The following MGAM2 variants were observed in gnomAD, a reference collection of about 807,000 sequenced individuals.
MGAM2 encodes maltase-glucoamylase 2 (putative).
Under a neutral mutation model 96.1 loss-of-function variants are expected in MGAM2, and 98 were observed. That is an observed-to-expected ratio of 1.02 (90% CI 0.87 to 1.21). The LOEUF is 1.21. Ranked by LOEUF, MGAM2 falls within the 50% of genes most tolerant of loss-of-function variation. The pLI is 0.00. For missense variants in MGAM2, 2,055 were observed against 1,182.4 expected, an observed-to-expected ratio of 1.74 and a Z score of -10.82; for synonymous variants, 749 against 414.8, an observed-to-expected ratio of 1.81 and a Z score of -9.79.
intron 44 of MGAM2, 124 bp downstream of exon 44, chr7:142,198,863 T>A: frequency 1.7e-6 from 1 of 590,628 alleles, no homozygotes; most frequent in Non-Finnish European, 3.0e-6. Context: ...ACAGCTTTAC[T>A]GGTCAGATCC....
rs1353390544 is a variant in MGAM2 at position 142,186,029 on chromosome 7, A to C, written c.4028A>C (p.Asn1343Thr). The C allele has an allele frequency of 1.4e-6, 1 of 704,380 alleles. No individual in the cohort carries two copies. The highest frequency in any genetic ancestry group is 1.7e-5 in the African/African-American group (1 of 57,376). The allele number at this position is 704,380 out of a possible 1,614,324, so 43.6% of individuals were successfully genotyped here. The change falls in exon 35 of 48, where the codon AAT becomes ACT. Residue 1343 changes from asparagine (N) to threonine (T), a missense_variant. Physicochemically the swap from Asn to Thr is moderately conservative, Grantham distance 65. Transcript: ENST00000477922. ...AYVAFPDFFR[N>T]STAAWWKKEI... Reference sequence around the variant, plus strand: ...GTTGCCTTTCCTGACTTCTTTCGTAATAGCACAGCTGCGTGGTGGAAGAAA... The same window carrying C: ...GTTGCCTTTCCTGACTTCTTTCGTACTAGCACAGCTGCGTGGTGGAAGAAA...
At chr7:142,202,543 C>G (rs2129102353) in intron 45 of MGAM2, among the ~76,000 whole-genome samples, 1 of 152,186 alleles carries the variant, frequency 6.6e-6, no homozygotes, top group African/African-American at 2.4e-5. Flanking sequence ...TGTTCAGCTC[C>G]CACTTATAAG....
chr7:142,155,975 A>G (rs963945081), intron 17 of MGAM2, among the ~76,000 whole-genome samples: 1 of 152,116 alleles, frequency 6.6e-6, no homozygotes, highest in Admixed American at 6.6e-5. Flanking sequence ...GAGAAACTCT[A>G]TCTCTACTAA....
Position 142,141,001 on chromosome 7 carries a change from A to G in MGAM2, c.1219-20A>G. On this transcript the variant is annotated intron_variant, in intron 11 of 47. Transcript: ENST00000477922. ...CAAAAAATTTATGAAAATAATATTTATATCGTATTTCTTTATTAGAATCCT... is the reference window on the plus strand; with the variant it reads ...CAAAAAATTTATGAAAATAATATTTGTATCGTATTTCTTTATTAGAATCCT... 3 of 693,082 alleles carry G rather than the reference A, an allele frequency of 4.3e-6. No individual in the cohort carries two copies. Among genetic ancestry groups the G allele is most frequent in the Non-Finnish European group, 2.6e-6 (1 of 382,494 alleles). The allele number at this position is 693,082 out of a possible 1,614,324, so 42.9% of individuals were successfully genotyped here.
chr7:142,132,165 G>A (rs759955846), intron 6 of MGAM2, 80 bp downstream of exon 6: 5 of 593,830 alleles, frequency 8.4e-6, no homozygotes, highest in Non-Finnish European at 1.2e-5. Flanking sequence ...GGGGTGGGCA[G>A]TGAAATCAGT....
intron 25 of MGAM2, 28 bp from the exon 26 acceptor site, chr7:142,167,240 T>TG (rs1290616295): frequency 3.0e-6 from 2 of 658,066 alleles, no homozygotes; most frequent in African/African-American, 1.8e-5. Flanking sequence ...TATCAGAGGC[T>TG]GAGCAAGACT....
At chr7:142,167,169 A>G in intron 25 of MGAM2, 99 bp from the exon 26 acceptor site, 1 of 596,372 alleles carries the variant, frequency 1.7e-6, no homozygotes, top group Non-Finnish European at 3.0e-6. Context: ...AACCATGGAC[A>G]TGGTATTAGA....
At chr7:142,145,158 G>T (rs1215832517) in intron 14 of MGAM2, among the ~76,000 whole-genome samples, 2 of 152,098 alleles carry the variant, frequency 1.3e-5, no homozygotes, top group Admixed American at 6.6e-5. Flanking sequence ...GACAAAGTCT[G>T]AGCCTGCCTA....
At position 142,140,853 on chromosome 7, in the gene MGAM2, G is replaced by A. The variant is rs1463133935; in HGVS notation, c.1138G>A (p.Val380Ile). 9 of 702,850 alleles carry A rather than the reference G, an allele frequency of 1.3e-5. No homozygotes were observed. Among genetic ancestry groups the A allele is most frequent in the Admixed American group, 6.0e-5 (3 of 49,984 alleles). 43.5% of individuals were successfully genotyped at this position (702,850 alleles called of 1,614,324 possible). ...DYMDGKKDFT[V>I]DEVAYSGLPD... ...CATGGATGGAAAGAAGGATTTCACT[G>A]TTGATGAAGTCGCTTACTCTGGTCT... The change falls in exon 11 of 48, where the codon GTT becomes ATT. Residue 380 changes from valine (V) to isoleucine (I), a missense_variant. Transcript: ENST00000477922.
At chr7:142,216,304 TTTCTA>T (rs796553406) in intron 46 of MGAM2, among the ~76,000 whole-genome samples, 4 of 152,226 alleles carry the variant, frequency 2.6e-5, no homozygotes, top group African/African-American at 9.6e-5. Flanking sequence ...TTTAGTTCTA[TTTCTA>T]CTGCTATTAT....
In MGAM2 at chr7:142,141,005, C is replaced by T. The variant is rs189523925; in HGVS notation, c.1219-16C>T. ...AAATTTATGAAAATAATATTTATAT[C>T]GTATTTCTTTATTAGAATCCTGGCA... On this transcript the variant is annotated splice_polypyrimidine_tract_variant and intron_variant, in intron 11 of 47. Transcript: ENST00000477922. The T allele has an allele frequency of 3.8e-4, 263 of 693,646 alleles. 2 individuals are homozygous for T. The East Asian group carries it at 6.8e-3, about 18-fold the overall frequency. 43.0% of individuals were successfully genotyped at this position (693,646 alleles called of 1,614,324 possible).
intron 24 of MGAM2, among the ~76,000 whole-genome samples, chr7:142,165,444 C>T (rs188189074): frequency 3.4e-3 from 516 of 152,254 alleles, no homozygotes; most frequent in South Asian, 7.9e-3. Flanking sequence ...AGTGGAGTAA[C>T]GCAAGGAGAA....
intron 30 of MGAM2, among the ~76,000 whole-genome samples, 167 bp from the exon 31 acceptor site, chr7:142,173,062 A>G (rs375395240): frequency 2.8e-3 from 431 of 152,254 alleles, no homozygotes; most frequent in Non-Finnish European, 4.3e-3. Context: ...CGTTTCTATC[A>G]TTTTGCATGT....
chr7:142,181,383 G>A (rs749060231), intron 32 of MGAM2, among the ~76,000 whole-genome samples: 2 of 152,150 alleles, frequency 1.3e-5, no homozygotes, highest in Non-Finnish European at 2.9e-5. Flanking sequence ...GTTTGGTGGT[G>A]TAATTTAGGC....
rs1797111122 is a variant in MGAM2, at chr7:142,198,213, TGTGAA to T, written c.4923+20_4923+24del. On this transcript the variant is annotated intron_variant, in intron 43 of 47. Coordinates refer to ENST00000477922, the MANE Select transcript of MGAM2 (RefSeq NM_001293626.2). ...ATAGCACGGTAAGAACTAATATATT[TGTGAA>T]GAACCAGTTTGGTCTATGCAGGGTG... 4.3e-6 allele frequency: 3 copies of T among 701,782 alleles called. No homozygotes were observed. Among genetic ancestry groups the T allele is most frequent in the Non-Finnish European group, 7.8e-6 (3 of 384,386 alleles). The allele number at this position is 701,782 out of a possible 1,614,324, so 43.5% of individuals were successfully genotyped here.
chr7:142,187,225 T>G (rs189567893), intron 35 of MGAM2, among the ~76,000 whole-genome samples: 5 of 152,258 alleles, frequency 3.3e-5, no homozygotes, highest in African/African-American at 1.2e-4. Flanking sequence ...AATATATTTA[T>G]AGCAGAAAGT....
At position 142,221,780 on chromosome 7, in the gene MGAM2, C is replaced by T. The variant is rs974351114; in HGVS notation, c.7269C>T (p.Asn2423=). Residue 2423 remains asparagine, a synonymous_variant, in exon 48 of 48, where the codon AAC becomes AAT. Transcript: ENST00000477922. ...CCATGGATATTACTGATGCAGATAACTCCAGCAGTGTTACAGGTAACACGA... is the reference window on the plus strand; with the variant it reads ...CCATGGATATTACTGATGCAGATAATTCCAGCAGTGTTACAGGTAACACGA... ...LGTMDITDAD[N]SSSVTGNTTH... 5.0e-6 allele frequency: 2 copies of T among 403,666 alleles called. No individual in the cohort carries two copies. Among genetic ancestry groups the T allele is most frequent in the Middle Eastern group, 6.2e-4 (1 of 1,610 alleles). 25.0% of individuals were successfully genotyped at this position (403,666 alleles called of 1,614,324 possible).
chr7:142,147,914 G>A (rs10275657), intron 15 of MGAM2, among the ~76,000 whole-genome samples: 56,550 of 151,918 alleles, frequency 0.37, 11,146 homozygotes, highest in East Asian at 0.48. Flanking sequence ...TAAAAATACA[G>A]GACACCAAAT....
At chr7:142,196,537 C>A (rs767759182) in intron 38 of MGAM2, 28 bp from the exon 39 acceptor site, 1 of 712,666 alleles carries the variant, frequency 1.4e-6, no homozygotes, top group East Asian at 2.6e-5. Flanking sequence ...GCTCCTTCCT[C>A]CAACACAGCT....
Sources: gnomAD v4.1 joint callset for allele counts (sites outside exome capture counted in the v4.1 genomes callset) on GRCh38, gnomAD v4.1.1 for gene constraint, MANE v1.5 for transcripts, NCBI Gene and HGNC (gene_info 2026-07-23, HGNC 2026-07-21) for gene names.